Variants in BNIPL observed in about 807,000 individuals in gnomAD.
The protein encoded by BNIPL is bcl-2/adenovirus E1B 19 kDa-interacting protein 2-like protein.
In BNIPL, 33 loss-of-function variants were observed where a neutral mutation model predicts 47.0. The ratio of observed to expected loss-of-function variants is 0.70; its 90% confidence interval spans 0.53 to 0.94. The LOEUF (loss-of-function observed/expected upper bound fraction) is 0.94. Ranked by LOEUF, BNIPL falls within the 40% of genes least tolerant of loss-of-function variation. BNIPL has a pLI of 0.00. For missense variants in BNIPL, 404 were observed against 445.2 expected, an observed-to-expected ratio of 0.91 and a Z score of 0.83; for synonymous variants, 145 against 162.7, an observed-to-expected ratio of 0.89 and a Z score of 0.83.
At chr1:151,042,823 GAAA>G in intron 4 of BNIPL, 130 bp from the exon 5 acceptor site, 1 of 569,244 alleles carries the variant, frequency 1.8e-6, no homozygotes, top group Non-Finnish European at 2.8e-6. Flanking sequence ...CAAAAAAAAG[GAAA>G]AAAAAAAAGA....
chr1:151,040,481 A>G (rs967565462), intron 4 of BNIPL, among the ~76,000 whole-genome samples: 6 of 150,844 alleles, frequency 4.0e-5, no homozygotes, highest in African/African-American at 1.5e-4. Flanking sequence ...GTACTCGGCT[A>G]TGCAACTATT....
At chr1:151,042,893 A>C in intron 4 of BNIPL, 63 bp from the exon 5 acceptor site, 1 of 1,283,542 alleles carries the variant, frequency 7.8e-7, no homozygotes, top group East Asian at 2.6e-5. Context: ...AATCTGAGGA[A>C]GTTACAAAAA....
chr1:151,040,253 C>T (rs1675770476), intron 4 of BNIPL, among the ~76,000 whole-genome samples: 1 of 152,196 alleles, frequency 6.6e-6, no homozygotes, highest in Non-Finnish European at 1.5e-5. Flanking sequence ...CAATCTTGCT[C>T]ACTGCAGCCT....
chr1:151,037,695 AG>A, intron 2 of BNIPL, 33 bp downstream of exon 2: 1 of 1,541,180 alleles, frequency 6.5e-7, no homozygotes, highest in Non-Finnish European at 8.8e-7. Flanking sequence ...GGGAGAAGGG[AG>A]GGGTGGTCAC....
In BNIPL at chr1:151,047,484, G is replaced by A; in HGVS notation, c.*797G>A. ...CCCTTTTTCCTTCTAAGTCATGTCT[G>A]CTGCCTGTGAGCCTGGGAAGGAGTG... On this transcript the variant is annotated 3_prime_UTR_variant, in exon 10 of 10. Transcript: ENST00000368931. 4.5e-6 allele frequency: 1 copy of A among 223,436 alleles called. No homozygotes were observed. Among genetic ancestry groups the A allele is most frequent in the East Asian group, 1.0e-4 (1 of 9,562 alleles). 13.8% of individuals were successfully genotyped at this position (223,436 alleles called of 1,614,324 possible). A position where few individuals can be genotyped will look rare whatever the true frequency, so the allele number is the denominator to read the frequency against.
chr1:151,037,356 T>G, intron 1 of BNIPL: 2 of 1,287,742 alleles, frequency 1.6e-6, no homozygotes, highest in Non-Finnish European at 2.0e-6. Flanking sequence ...TAACTTTACA[T>G]TCCATCTTTC....
intron 8 of BNIPL, 88 bp from the exon 9 acceptor site, chr1:151,045,979 C>A: frequency 6.2e-7 from 1 of 1,612,790 alleles, no homozygotes; most frequent in Non-Finnish European, 8.5e-7. Flanking sequence ...CTAGCCTTAA[C>A]CACTCTACTT....
Position 151,043,686 on chromosome 1 carries a change from T to C in BNIPL, c.810T>C (p.Pro270=), listed in dbSNP as rs1439036530. The change falls in exon 7 of 10, where the codon CCT becomes CCC. Residue 270 remains proline (P), a synonymous_variant. Coordinates refer to ENST00000368931, the MANE Select transcript of BNIPL (RefSeq NM_138278.4). ...GCACAAGCAGGGCCCAAGTTCCACC[T>C]CTAAGCTGGATACGTCAGTGTTACC... is the stretch of plus-strand genomic sequence containing the variant. ...SGGTSRAQVP[P]LSWIRQCYRT... is the part of the protein sequence containing the mutation. The C allele has an allele frequency of 1.3e-5, 21 of 1,613,928 alleles. No individual in the cohort carries two copies. The highest frequency in any genetic ancestry group is 1.7e-5 in the Non-Finnish European group (20 of 1,179,928).
chr1:151,044,731 A>G, intron 7 of BNIPL: 1 of 1,094,198 alleles, frequency 9.1e-7, no homozygotes, highest in Non-Finnish European at 1.2e-6. Context: ...CTGGGATTAC[A>G]GGTGTGAGCC....
chr1:151,036,669 A>G lies in BNIPL; in HGVS notation c.-57A>G. On this transcript the variant is annotated 5_prime_UTR_variant, in exon 1 of 10. Transcript: ENST00000368931. ...TAAGGAAGTGTTGGGGGCTGGGACA[A>G]CCAGCTCCCCAACAACTCCTAGGTG... is the stretch of plus-strand genomic sequence containing the variant. The G allele has an allele frequency of 6.7e-7, 1 of 1,485,812 alleles. No individual in the cohort carries two copies. Among genetic ancestry groups the G allele is most frequent in the Non-Finnish European group, 9.4e-7 (1 of 1,063,472 alleles). The allele number at this position is 1,485,812 out of a possible 1,614,324, so 92.0% of individuals were successfully genotyped here.
rs41266605 is a variant in BNIPL at position 151,036,732 on chromosome 1, A to G, written c.7A>G (p.Thr3Ala). 0.028 allele frequency: 45,069 copies of G among 1,611,010 alleles called. 728 individuals carry two copies. Among genetic ancestry groups the G allele is most frequent in the Non-Finnish European group, 0.032 (37,874 of 1,177,200 alleles). Residue 3 changes from threonine (T) to alanine (A), a missense_variant, in exon 1 of 10, where the codon ACT (threonine) becomes GCT (alanine). Thr to Ala is a moderately conservative substitution (Grantham distance 58). Transcript: ENST00000368931. MG[T>A]IQEAGKKTDV... ...GGCAGGAAGACTTGTGAAGATGGGA[A>G]CTATACAAGAGGCAGGAAAAAAGAC...
chr1:151,037,366 C>T lies in BNIPL; in HGVS notation c.42-201C>T, dbSNP rs376841300. Reference sequence around the variant, plus strand: ...ATGATTAACTTTACATTCCATCTTTCGTCTGCTCCCAAACTTAACAGCAGG... The same window carrying T: ...ATGATTAACTTTACATTCCATCTTTTGTCTGCTCCCAAACTTAACAGCAGG... On this transcript the variant is annotated intron_variant, in intron 1 of 9. Transcript: ENST00000368931. The T allele has an allele frequency of 3.6e-4, 473 of 1,305,630 alleles. 1 individual carries two copies. The highest frequency in any genetic ancestry group is 4.5e-4 in the Non-Finnish European group (455 of 1,020,402). 80.9% of individuals were successfully genotyped at this position (1,305,630 alleles called of 1,614,324 possible). A position where few individuals can be genotyped will look rare whatever the true frequency, so the allele number is the denominator to read the frequency against.
Position 151,047,419 on chromosome 1 carries a change from A to AG in BNIPL, c.*734dup, listed in dbSNP as rs1425087021. ...ACAGCCAGCCTGCCTGCTGGGAGCCAGGAGAGTCAGCTCATTAAATCTTGA... is the reference window on the plus strand; with the variant it reads ...ACAGCCAGCCTGCCTGCTGGGAGCCAGGGAGAGTCAGCTCATTAAATCTTGA... On this transcript the variant is annotated 3_prime_UTR_variant, in exon 10 of 10. Transcript: ENST00000368931. 6.1e-6 allele frequency: 1 copy of AG among 163,588 alleles called. No homozygotes were observed. The highest frequency in any genetic ancestry group is 1.3e-5 in the Non-Finnish European group (1 of 75,974). 10.1% of individuals were successfully genotyped at this position (163,588 alleles called of 1,614,324 possible).
intron 7 of BNIPL, chr1:151,044,869 C>T: frequency 7.8e-7 from 1 of 1,288,880 alleles, no homozygotes; most frequent in African/African-American, 1.5e-5. Flanking sequence ...TGCTGGTCTT[C>T]TTCCACCTAG....
intron 4 of BNIPL, among the ~76,000 whole-genome samples, chr1:151,041,924 A>G (rs146753684): frequency 0.05 from 7,531 of 152,080 alleles, 234 homozygotes; most frequent in South Asian, 0.11. Context: ...GCAGTGAGCC[A>G]AGATCGCACC....
intron 3 of BNIPL, 77 bp downstream of exon 3, chr1:151,038,645 A>C: frequency 1.3e-6 from 2 of 1,588,156 alleles, no homozygotes; most frequent in South Asian, 2.2e-5. Flanking sequence ...ATCCTTTTAC[A>C]GTTCCATTTC....
At position 151,046,779 on chromosome 1, in the gene BNIPL, TCCC is replaced by T; in HGVS notation, c.*94_*96del. On this transcript the variant is annotated 3_prime_UTR_variant, in exon 10 of 10. Transcript: ENST00000368931. ...CTGAACTGTTTTGTAAATCATCTTA[TCCC>T]CAACCTCAGTACCACCGGATCTTCA... The T allele has an allele frequency of 9.1e-7, 1 of 1,100,900 alleles. No homozygotes were observed. The highest frequency in any genetic ancestry group is 1.3e-6 in the Non-Finnish European group (1 of 751,714). The allele number at this position is 1,100,900 out of a possible 1,614,324, so 68.2% of individuals were successfully genotyped here. A position where few individuals can be genotyped will look rare whatever the true frequency, so the allele number is the denominator to read the frequency against.
chr1:151,044,939 G>A (rs747255706), intron 7 of BNIPL: 29 of 1,290,260 alleles, frequency 2.2e-5, no homozygotes, highest in African/African-American at 1.5e-4. Flanking sequence ...GAACTTACGC[G>A]AGGGTAGAGC....
rs757436813 is a variant in BNIPL at position 151,038,519 on chromosome 1, G to C, written c.153G>C (p.Glu51Asp). The C allele has an allele frequency of 6.2e-7, 1 of 1,613,532 alleles. No individual in the cohort carries two copies. The highest frequency in any genetic ancestry group is 2.2e-5 in the East Asian group (1 of 44,880). ...TCCCCTCTAGATTGCTTCCTGAGGAGGCTGGCACTTCTGAAGATCCTGAAG... is the reference window on the plus strand; with the variant it reads ...TCCCCTCTAGATTGCTTCCTGAGGACGCTGGCACTTCTGAAGATCCTGAAG... ...DEEFPRLLPE[E>D]AGTSEDPEDP... Residue 51 changes from glutamate (E) to aspartate (D), a missense_variant, in exon 3 of 10, where the codon GAG (glutamate) becomes GAC (aspartate). Coordinates refer to ENST00000368931, the MANE Select transcript of BNIPL (RefSeq NM_138278.4).
Sources: gnomAD v4.1 joint callset for allele counts (sites outside exome capture counted in the v4.1 genomes callset) on GRCh38, gnomAD v4.1.1 for gene constraint, MANE v1.5 for transcripts, NCBI Gene and HGNC (gene_info 2026-07-23, HGNC 2026-07-21) for gene names.